GNG7: variants seen among roughly 807,000 people sequenced by gnomAD.
GNG7 encodes guanine nucleotide-binding protein G(I)/G(S)/G(O) subunit gamma-7.
A neutral mutation model predicts 4.0 loss-of-function variants in GNG7; 1 was observed. The observed-to-expected ratio is 0.25, with a 90% CI of 0.09 to 1.18. The LOEUF (loss-of-function observed/expected upper bound fraction) is 1.18. Among genes scored for constraint, GNG7 ranks in the 50% most tolerant of loss-of-function variants. The probability of loss-of-function intolerance (pLI) is 0.50; values close to 1 mark genes in which losing one functional copy is unlikely to be tolerated. For missense variants in GNG7, 86 were observed against 91.9 expected (o/e 0.94, Z 0.26); for synonymous variants, 34 against 36.9 (o/e 0.92, Z 0.29).
intron 3 of GNG7, among the ~76,000 whole-genome samples, chr19:2,548,777 G>C (rs1171332304): frequency 6.6e-6 from 1 of 151,304 alleles, no homozygotes; most frequent in Non-Finnish European, 1.5e-5. Flanking sequence ...TGCAGAGCGA[G>C]ACTCTGTCTC....
At chr19:2,674,002 G>T (rs565678805) in intron 1 of GNG7, among the ~76,000 whole-genome samples, 2 of 152,226 alleles carry the variant, frequency 1.3e-5, no homozygotes, top group African/African-American at 2.4e-5. Context: ...CGTGGCTCAC[G>T]CCTGTAATCC....
intron 2 of GNG7, among the ~76,000 whole-genome samples, chr19:2,635,707 G>A (rs1051862274): frequency 5.9e-5 from 9 of 151,844 alleles, no homozygotes; most frequent in East Asian, 3.9e-4. Context: ...CTCAGCCTAC[G>A]GAGTAGCTGG....
At chr19:2,616,307 C>T (rs1427761169) in intron 2 of GNG7, among the ~76,000 whole-genome samples, 3 of 152,072 alleles carry the variant, frequency 2.0e-5, no homozygotes, top group African/African-American at 4.8e-5. Context: ...TGCAATGGCA[C>T]GATCTCGACT....
At chr19:2,657,357 AAAAAATATAT>A (rs1325019300) in intron 1 of GNG7, among the ~76,000 whole-genome samples, 1 of 16,166 alleles carries the variant, frequency 6.2e-5, no homozygotes, top group African/African-American at 1.6e-4. Context: ...AAAAAAAAAA[AAAAAATATAT>A]ATATATATAT....
rs1333578016 is a variant in GNG7 at position 2,617,111 on chromosome 19, G to A, written c.-78+29113C>T. On this transcript the variant is annotated intron_variant, in intron 2 of 4. Transcript: ENST00000382159. The surrounding 1 kb of genome is among the most constrained non-coding windows in gnomAD (Gnocchi z 4.7). ...ATTCCGTTAACCCAAAGTCTCTGACGTTCAGGGCTGGATCATTCTCTGGGA... is the reference window on the plus strand; with the variant it reads ...ATTCCGTTAACCCAAAGTCTCTGACATTCAGGGCTGGATCATTCTCTGGGA... Among the ~76,000 whole-genome samples, 3 of 152,202 alleles carry A rather than the reference G, an allele frequency of 2.0e-5. No individual in the cohort carries two copies. The highest frequency in any genetic ancestry group is 1.5e-5 in the Non-Finnish European group (1 of 68,032).
intron 2 of GNG7, among the ~76,000 whole-genome samples, chr19:2,590,064 G>C (rs548545370): frequency 6.6e-6 from 1 of 152,090 alleles, no homozygotes; most frequent in African/African-American, 2.4e-5. Flanking sequence ...CACCTGCCTC[G>C]GCCTCCCAAA....
chr19:2,548,558 G>A (rs1979206442), intron 3 of GNG7, among the ~76,000 whole-genome samples: 1 of 151,226 alleles, frequency 6.6e-6, no homozygotes, highest in South Asian at 2.1e-4. Context: ...GGTGGCTGAG[G>A]TGTGTGGCTC....
At position 2,653,543 on chromosome 19, in the gene GNG7, C is replaced by T. The variant is rs368093697; in HGVS notation, c.-134-7263G>A. On this transcript the variant is annotated intron_variant, in intron 1 of 4. Transcript: ENST00000382159. This position sits in a 1 kb window ranked among gnomAD's most constrained non-coding sequence, Gnocchi z 4.8. The stretch of plus-strand genomic sequence containing the variant: ...CCTGGTGTCTGGAGTGAGAAGGGAT[C>T]GAAGTCTATTTTTTTCCAGATGAAT... 2.0e-5 allele frequency among the ~76,000 whole-genome samples: 3 copies of T among 152,136 alleles called. No homozygotes were observed. The highest frequency in any genetic ancestry group is 4.8e-5 in the African/African-American group (2 of 41,414).
At chr19:2,559,480 T>C (rs1979669949) in intron 2 of GNG7, among the ~76,000 whole-genome samples, 2 of 151,198 alleles carry the variant, frequency 1.3e-5, no homozygotes, top group South Asian at 4.2e-4. Flanking sequence ...GCCTCCAGAG[T>C]AGCTGGGATT....
rs1480269960 is a variant in GNG7 at position 2,657,351 on chromosome 19, AAAAAAAAAAAATATATATATATAT to A, written c.-134-11095_-134-11072del. Reference sequence around the variant, plus strand: ...CCCGTCTCAATTAAAAAAAAAAAAAAAAAAAAAAAAATATATATATATATATATATATATATATATATATATATA... The same window carrying A: ...CCCGTCTCAATTAAAAAAAAAAAAAAATATATATATATATATATATATATA... On this transcript the variant is annotated intron_variant, in intron 1 of 4. Coordinates refer to ENST00000382159, the MANE Select transcript of GNG7 (RefSeq NM_052847.3). 3.9e-3 allele frequency among the ~76,000 whole-genome samples: 86 copies of A among 21,878 alleles called. 5 individuals carry two copies. The highest frequency in any genetic ancestry group is 8.0e-3 in the African/African-American group (84 of 10,482). 14.4% of individuals were successfully genotyped at this position (21,878 alleles called of 152,430 possible).
rs1409640066 is a variant in GNG7 at position 2,522,512 on chromosome 19, C to T, written c.-37-1787G>A. The stretch of plus-strand genomic sequence containing the variant: ...AGGACTGGCCGGGCGCGGTGGCTCA[C>T]GCCTGTAATCCCAGCACTTTGGGAG... On this transcript the variant is annotated intron_variant, in intron 3 of 4. Coordinates refer to ENST00000382159, the MANE Select transcript of GNG7 (RefSeq NM_052847.3). Among the ~76,000 whole-genome samples the T allele has an allele frequency of 1.2e-4, 18 of 152,044 alleles. No homozygotes were observed. The East Asian group carries it at 1.8e-3, about 15-fold the overall frequency.
rs1297015948 is a variant in GNG7, at chr19:2,657,350, AAAAAAAAAAAAATATATATATATATAT to A, written c.-134-11097_-134-11071del. Among the ~76,000 whole-genome samples the A allele has an allele frequency of 1.9e-3, 49 of 25,282 alleles. 5 individuals are homozygous for A. Among genetic ancestry groups the A allele is most frequent in the East Asian group, 0.015 (23 of 1,578 alleles). 16.6% of individuals were successfully genotyped at this position (25,282 alleles called of 152,430 possible). The stretch of plus-strand genomic sequence containing the variant: ...CCCCGTCTCAATTAAAAAAAAAAAA[AAAAAAAAAAAAATATATATATATATAT>A]ATATATATATATATATATATATACA... On this transcript the variant is annotated intron_variant, in intron 1 of 4. Coordinates refer to ENST00000382159, the MANE Select transcript of GNG7 (RefSeq NM_052847.3).
chr19:2,532,355 GA>G (rs767867926), intron 3 of GNG7, among the ~76,000 whole-genome samples: 4 of 152,156 alleles, frequency 2.6e-5, no homozygotes, highest in Non-Finnish European at 5.9e-5. Context: ...GACAATATCT[GA>G]AAAGTAAGAA....
chr19:2,685,068 G>A (rs1983838157), intron 1 of GNG7, among the ~76,000 whole-genome samples: 1 of 151,924 alleles, frequency 6.6e-6, no homozygotes, highest in Non-Finnish European at 1.5e-5. Flanking sequence ...AGGTTGCAGT[G>A]AGCCAAGATC....
rs534164097 is a variant in GNG7, at chr19:2,700,339, C to T, written c.-135+2307G>A. On this transcript the variant is annotated intron_variant, in intron 1 of 4. Coordinates refer to ENST00000382159, the MANE Select transcript of GNG7 (RefSeq NM_052847.3). ...GATATTTTTAGTAGAGACAGGTTTT[C>T]GCTATATTGGCCAGGCTGGTCTCAA... Among the ~76,000 whole-genome samples the T allele has an allele frequency of 2.9e-3, 436 of 152,166 alleles. 1 individual carries two copies. Among genetic ancestry groups the T allele is most frequent in the Non-Finnish European group, 4.5e-3 (308 of 67,998 alleles).
At chr19:2,568,457 TACAC>T (rs745912151) in intron 2 of GNG7, among the ~76,000 whole-genome samples, 6 of 54,730 alleles carry the variant, frequency 1.1e-4, no homozygotes, top group Non-Finnish European at 1.6e-4. Context: ...TACATATACA[TACAC>T]ACACACATGC....
intron 4 of GNG7, among the ~76,000 whole-genome samples, chr19:2,520,222 G>GAA (rs3838923): frequency 0.58 from 87,368 of 151,916 alleles, 25,182 homozygotes; most frequent in Non-Finnish European, 0.59. Flanking sequence ...ACACAGAAGT[G>GAA]AAAAGTAGAT....
At chr19:2,657,942 A>C (rs1448941777) in intron 1 of GNG7, among the ~76,000 whole-genome samples, 1 of 152,048 alleles carries the variant, frequency 6.6e-6, no homozygotes, top group Admixed American at 6.6e-5. Context: ...CAAACAGGGA[A>C]GGGCCCCATG....
intron 2 of GNG7, among the ~76,000 whole-genome samples, chr19:2,594,401 A>AGGAG (rs1980948180): frequency 1.0e-5 from 1 of 95,606 alleles, no homozygotes; most frequent in Admixed American, 1.3e-4. Context: ...GAAAGAAAGA[A>AGGAG]GGAGGGAAGG....
Sources: allele counts gnomAD v4.1 joint callset (sites outside exome capture counted in the v4.1 genomes callset), GRCh38; gene constraint gnomAD v4.1.1; non-coding constraint Gnocchi (gnomAD v3.1); transcripts MANE v1.5; gene names NCBI Gene and HGNC (gene_info 2026-07-23, HGNC 2026-07-21).